XRCC4: variants seen among roughly 807,000 people sequenced by gnomAD.
The protein encoded by XRCC4 is DNA repair protein XRCC4.
In XRCC4, 28 loss-of-function variants were observed where a neutral mutation model predicts 39.1. That is an observed-to-expected ratio of 0.72 (90% CI 0.53 to 0.98). The LOEUF is 0.98. Ranked by LOEUF, XRCC4 falls within the 50% of genes least tolerant of loss-of-function variation. XRCC4 has a pLI of 0.00. For missense variants in XRCC4, 350 were observed against 376.4 expected (o/e 0.93, Z 0.58); for synonymous variants, 123 against 126.4 (o/e 0.97, Z 0.18).
At chr5:83,273,390 T>C (rs1754209782) in intron 7 of XRCC4, among the ~76,000 whole-genome samples, 1 of 152,226 alleles carries the variant, frequency 6.6e-6, no homozygotes, top group Non-Finnish European at 1.5e-5. Flanking sequence ...ACTCTGATGA[T>C]AGTTTCTTTT....
At chr5:83,250,808 T>G (rs1876630) in intron 6 of XRCC4, among the ~76,000 whole-genome samples, 7,499 of 152,268 alleles carry the variant, frequency 0.049, 591 homozygotes, top group African/African-American at 0.17. Flanking sequence ...AGCATCTATA[T>G]AAGAAGAAAA....
intron 3 of XRCC4, among the ~76,000 whole-genome samples, chr5:83,150,020 A>G (rs1748632008): frequency 6.6e-6 from 1 of 152,170 alleles, no homozygotes; most frequent in Non-Finnish European, 1.5e-5. Flanking sequence ...AAAAAATAAT[A>G]GAATAATAAA....
At chr5:83,333,901 C>A (rs565593339) in intron 7 of XRCC4, among the ~76,000 whole-genome samples, 1 of 151,772 alleles carries the variant, frequency 6.6e-6, no homozygotes, top group African/African-American at 2.4e-5. Context: ...TTCCAAGTAT[C>A]GGGGATTACA....
At chr5:83,166,172 C>T (rs1256094279) in intron 3 of XRCC4, among the ~76,000 whole-genome samples, 1 of 152,116 alleles carries the variant, frequency 6.6e-6, no homozygotes, top group Non-Finnish European at 1.5e-5. Context: ...CAGGTGTGAG[C>T]CACCACACCC....
At chr5:83,275,364 G>A (rs1754290608) in intron 7 of XRCC4, among the ~76,000 whole-genome samples, 1 of 148,912 alleles carries the variant, frequency 6.7e-6, no homozygotes, top group Non-Finnish European at 1.5e-5. Context: ...GCGGGATCTC[G>A]GCTCACTGCA....
At chr5:83,320,376 AAAT>A (rs1475608723) in intron 7 of XRCC4, among the ~76,000 whole-genome samples, 21 of 148,660 alleles carry the variant, frequency 1.4e-4, no homozygotes, top group African/African-American at 5.3e-4. Flanking sequence ...AAAAATAAAA[AAAT>A]AATAAAAAAA....
the XRCC4 span, among the ~76,000 whole-genome samples, chr5:83,369,227 C>G: frequency 6.6e-6 from 1 of 152,096 alleles, no homozygotes; most frequent in African/African-American, 2.4e-5. Flanking sequence ...CAAGAGAAAG[C>G]ATTTTACTTT....
rs537400008 is a variant in XRCC4, at chr5:83,347,869, T to C, written c.894-5262T>C. The stretch of plus-strand genomic sequence containing the variant: ...CAAGCTAGTTTCTTCCAAGATACAA[T>C]GGGATTACAAGCATTGGGTAAGTTC... On this transcript the variant is annotated intron_variant, in intron 7 of 7. Transcript: ENST00000396027. Among the ~76,000 whole-genome samples the C allele has an allele frequency of 1.7e-3, 261 of 152,268 alleles. 2 individuals carry two copies. The highest frequency in any genetic ancestry group is 6.0e-3 in the African/African-American group (250 of 41,550).
At chr5:83,316,639 A>G (rs1580504113) in intron 7 of XRCC4, among the ~76,000 whole-genome samples, 1 of 136,026 alleles carries the variant, frequency 7.4e-6, no homozygotes, top group Admixed American at 7.7e-5. Context: ...GATCAATTCA[A>G]CAAGAGGAGC....
At chr5:83,204,995 T>C in intron 6 of XRCC4, 74 bp downstream of exon 6, 1 of 1,049,800 alleles carries the variant, frequency 9.5e-7, no homozygotes, top group Admixed American at 2.2e-5. Context: ...CAAGAAACCA[T>C]AATGGAAAAA....
intron 7 of XRCC4, among the ~76,000 whole-genome samples, chr5:83,351,766 G>A (rs1757090774): frequency 1.3e-5 from 2 of 152,104 alleles, no homozygotes; most frequent in Admixed American, 1.3e-4. Flanking sequence ...ACATGTCCCA[G>A]GTCTAGTGGC....
intron 1 of XRCC4, chr5:83,077,876 G>A (rs1744739963): frequency 6.4e-6 from 1 of 156,136 alleles, no homozygotes; most frequent in Non-Finnish European, 1.4e-5. Flanking sequence ...GGGATTCTTG[G>A]GAATGCGAAG....
intron 3 of XRCC4, among the ~76,000 whole-genome samples, chr5:83,122,740 T>C (rs1310199891): frequency 6.6e-6 from 1 of 152,124 alleles, no homozygotes; most frequent in Non-Finnish European, 1.5e-5. Flanking sequence ...TATGTTGTGT[T>C]TTCATTTTCA....
the XRCC4 span, among the ~76,000 whole-genome samples, chr5:83,369,774 G>T: frequency 6.6e-6 from 1 of 152,136 alleles, no homozygotes; most frequent in African/African-American, 2.4e-5. Context: ...ACCCAGTAAT[G>T]GGATTGCTGG....
intron 7 of XRCC4, among the ~76,000 whole-genome samples, chr5:83,344,128 T>TCACACACA (rs10642662): frequency 0.014 from 1,894 of 134,826 alleles, 37 homozygotes; most frequent in African/African-American, 0.044. Flanking sequence ...CTGACACAGA[T>TCACACACA]CTCACACACA....
At chr5:83,115,980 G>A (rs1315468096) in intron 3 of XRCC4, among the ~76,000 whole-genome samples, 2 of 152,162 alleles carry the variant, frequency 1.3e-5, no homozygotes, top group East Asian at 3.9e-4. Context: ...GCAGCTGAGA[G>A]ATCACAAGTT....
chr5:83,326,281 C>T lies in XRCC4; in HGVS notation c.894-26850C>T, dbSNP rs546191870. 3.8e-4 allele frequency among the ~76,000 whole-genome samples: 58 copies of T among 152,050 alleles called. 1 individual carries two copies. Among genetic ancestry groups the T allele is most frequent in the African/African-American group, 1.3e-3 (53 of 41,494 alleles). On this transcript the variant is annotated intron_variant, in intron 7 of 7. Coordinates refer to ENST00000396027, the MANE Select transcript of XRCC4 (RefSeq NM_003401.5). ...AGTAGACCCCGTTTGTCAATTTTTGCTTTTGTTGCAATTGCTTTTGGAGTC... is the reference window on the plus strand; with the variant it reads ...AGTAGACCCCGTTTGTCAATTTTTGTTTTTGTTGCAATTGCTTTTGGAGTC...
At chr5:83,170,465 A>G (rs1238154376) in intron 3 of XRCC4, among the ~76,000 whole-genome samples, 1 of 152,132 alleles carries the variant, frequency 6.6e-6, no homozygotes, top group Admixed American at 6.5e-5. Context: ...TCAGGATCTC[A>G]CAAGGCTGAA....
chr5:83,218,076 A>ATATATATATATT (rs1303092499), intron 6 of XRCC4, among the ~76,000 whole-genome samples: 1 of 150,398 alleles, frequency 6.6e-6, no homozygotes, highest in Non-Finnish European at 1.5e-5. Flanking sequence ...ATATATATAT[A>ATATATATATATT]TATTTATTAG....
Sources: gnomAD v4.1 joint callset for allele counts (sites outside exome capture counted in the v4.1 genomes callset) on GRCh38, gnomAD v4.1.1 for gene constraint, MANE v1.5 for transcripts, NCBI Gene and HGNC (gene_info 2026-07-23, HGNC 2026-07-21) for gene names.